Variants in GRID2 observed in about 807,000 individuals in gnomAD.
The protein encoded by GRID2 is glutamate ionotropic receptor delta type subunit 2.
In GRID2, 33 loss-of-function variants were observed where a neutral mutation model predicts 114.8. The ratio of observed to expected loss-of-function variants is 0.29; its 90% CI spans 0.22 to 0.38. The LOEUF (loss-of-function observed/expected upper bound fraction) is 0.38, where lower values mean the gene tolerates loss of function less well. Among genes scored for constraint, GRID2 ranks in the 10% least tolerant of loss-of-function variants. The probability of loss-of-function intolerance (pLI) is 1.00; values close to 1 mark genes in which losing one functional copy is unlikely to be tolerated. For synonymous variants in GRID2, 505 were observed against 449.9 expected (o/e 1.12, Z -1.55); for missense variants, 1,184 against 1,257.7 (o/e 0.94, Z 0.89).
chr4:93,245,564 C>T (rs535818912), intron 8 of GRID2, among the ~76,000 whole-genome samples: 4 of 152,208 alleles, frequency 2.6e-5, no homozygotes, highest in South Asian at 2.1e-4. Context: ...CAAGTTTATT[C>T]GGACCATTAG....
At chr4:93,355,576 T>C (rs59965350) in intron 8 of GRID2, among the ~76,000 whole-genome samples, 2 of 152,082 alleles carry the variant, frequency 1.3e-5, no homozygotes, top group African/African-American at 2.4e-5. Flanking sequence ...TCATTTCTGC[T>C]ATGTCCTCTT....
intron 2 of GRID2, among the ~76,000 whole-genome samples, chr4:93,015,746 C>T (rs1486568480): frequency 1.3e-5 from 2 of 151,996 alleles, no homozygotes; most frequent in Admixed American, 6.6e-5. Context: ...ACTACATGGA[C>T]GTGACAGACT....
At chr4:92,713,498 T>C (rs572620392) in intron 2 of GRID2, among the ~76,000 whole-genome samples, 23 of 128,670 alleles carry the variant, frequency 1.8e-4, no homozygotes, top group African/African-American at 6.1e-4. Context: ...TATATATATA[T>C]ATATATATAT....
chr4:93,130,006 C>A (rs1315524407), intron 4 of GRID2, among the ~76,000 whole-genome samples: 1 of 152,124 alleles, frequency 6.6e-6, no homozygotes, highest in East Asian at 1.9e-4. Context: ...CCCACCCTGC[C>A]AGCCCTTCAG....
At chr4:92,810,946 G>A (rs1240600616) in intron 2 of GRID2, among the ~76,000 whole-genome samples, 5 of 151,848 alleles carry the variant, frequency 3.3e-5, no homozygotes, top group South Asian at 2.1e-4. Context: ...TGCACACCAC[G>A]CAATTTTTGT....
intron 2 of GRID2, among the ~76,000 whole-genome samples, chr4:92,995,904 T>C (rs1206253928): frequency 6.6e-6 from 1 of 152,216 alleles, no homozygotes; most frequent in Non-Finnish European, 1.5e-5. Flanking sequence ...CTACTGATCA[T>C]TGCTATTCCA....
At chr4:93,678,927 A>C (rs565170914) in intron 14 of GRID2, among the ~76,000 whole-genome samples, 2 of 149,796 alleles carry the variant, frequency 1.3e-5, no homozygotes, top group African/African-American at 2.5e-5. Flanking sequence ...ACACATAACA[A>C]TATTAACTTT....
intron 2 of GRID2, among the ~76,000 whole-genome samples, chr4:92,825,132 CTCT>C (rs1326949026): frequency 2.0e-5 from 3 of 152,028 alleles, no homozygotes; most frequent in South Asian, 2.1e-4. Flanking sequence ...AATCGTCCAC[CTCT>C]TCTTCTGATT....
intron 2 of GRID2, among the ~76,000 whole-genome samples, chr4:92,784,113 A>G (rs1173911502): frequency 6.6e-6 from 1 of 152,078 alleles, no homozygotes; most frequent in Non-Finnish European, 1.5e-5. Context: ...ATACATTAAT[A>G]TCACCTATAA....
intron 2 of GRID2, among the ~76,000 whole-genome samples, chr4:92,748,097 TG>T (rs1222953011): frequency 3.9e-5 from 6 of 152,226 alleles, no homozygotes; most frequent in Non-Finnish European, 5.9e-5. Context: ...CTGCTCAGCC[TG>T]AGGAATGGGA....
At chr4:93,595,875 A>C (rs1310464503) in intron 13 of GRID2, among the ~76,000 whole-genome samples, 1 of 152,184 alleles carries the variant, frequency 6.6e-6, no homozygotes, top group African/African-American at 2.4e-5. Context: ...TCTACCTACC[A>C]TGTATTGATC....
intron 1 of GRID2, among the ~76,000 whole-genome samples, chr4:93,797,939 G>A (rs1734840281): frequency 6.6e-6 from 1 of 151,108 alleles, no homozygotes; most frequent in African/African-American, 2.4e-5. Flanking sequence ...GATCACCTGA[G>A]GTCAGGAGTT....
chr4:92,671,482 G>A (rs1320459998), intron 2 of GRID2, among the ~76,000 whole-genome samples: 1 of 152,002 alleles, frequency 6.6e-6, no homozygotes, highest in African/African-American at 2.4e-5. Flanking sequence ...TCCATTTTCA[G>A]CCTTCATTTT....
chr4:93,224,807 T>C, intron 7 of GRID2, 32 bp downstream of exon 7: 1 of 1,460,830 alleles, frequency 6.8e-7, no homozygotes, highest in Non-Finnish European at 9.5e-7. Context: ...AAAAAGGATA[T>C]GGTAAATAAT....
intron 1 of GRID2, among the ~76,000 whole-genome samples, chr4:92,526,800 T>A (rs1004755321): frequency 6.6e-6 from 1 of 151,990 alleles, no homozygotes; most frequent in Non-Finnish European, 1.5e-5. Flanking sequence ...TGACTTATGA[T>A]TTTTCAATGT....
intron 2 of GRID2, among the ~76,000 whole-genome samples, chr4:92,618,883 C>T (rs1174756855): frequency 1.3e-5 from 2 of 151,672 alleles, no homozygotes; most frequent in Non-Finnish European, 2.9e-5. Context: ...GATATTCTAT[C>T]CTGAAACTTT....
intron 2 of GRID2, among the ~76,000 whole-genome samples, chr4:92,715,044 C>T (rs1735466453): frequency 6.6e-6 from 1 of 152,148 alleles, no homozygotes; most frequent in African/African-American, 2.4e-5. Flanking sequence ...ATTTTCCAAA[C>T]TTTTATGCTC....
chr4:93,304,001 G>A (rs1755148908), intron 8 of GRID2, among the ~76,000 whole-genome samples: 1 of 151,214 alleles, frequency 6.6e-6, no homozygotes, highest in African/African-American at 2.4e-5. Flanking sequence ...TGCTTATATT[G>A]CATTCTCATT....
chr4:92,692,693 T>C (rs1378751868), intron 2 of GRID2, among the ~76,000 whole-genome samples: 1 of 152,130 alleles, frequency 6.6e-6, no homozygotes, highest in Non-Finnish European at 1.5e-5. Flanking sequence ...GGAATTTTGG[T>C]ATTTTAGAAC....
Sources: allele counts gnomAD v4.1 joint callset (sites outside exome capture counted in the v4.1 genomes callset), GRCh38; gene constraint gnomAD v4.1.1; transcripts MANE v1.5; gene names NCBI Gene and HGNC (gene_info 2026-07-23, HGNC 2026-07-21).